NAALADL2: variants seen among roughly 807,000 people sequenced by gnomAD.
NAALADL2 encodes the protein N-acetylated alpha-linked acidic dipeptidase like 2.
In NAALADL2, 76 loss-of-function variants were observed where a neutral mutation model predicts 87.2. The observed-to-expected ratio is 0.87, with a 90% CI of 0.72 to 1.05. The LOEUF is 1.05. NAALADL2 is among the 50% of genes least tolerant of loss of function. NAALADL2 has a pLI of 0.00. For synonymous variants in NAALADL2, 354 were observed against 331.0 expected (o/e 1.07, Z -0.75); for missense variants, 1,089 against 945.8 (o/e 1.15, Z -1.99).
At chr3:175,553,183 T>A (rs901378532) in intron 9 of NAALADL2, among the ~76,000 whole-genome samples, 1 of 152,174 alleles carries the variant, frequency 6.6e-6, no homozygotes, top group Middle Eastern at 3.2e-3. Flanking sequence ...TAAGTCAATA[T>A]ATCAGTTATT....
intron 2 of NAALADL2, among the ~76,000 whole-genome samples, chr3:174,610,271 T>C (rs1251851901): frequency 2.6e-5 from 4 of 152,122 alleles, no homozygotes; most frequent in South Asian, 2.1e-4. Flanking sequence ...ACTTCATGTC[T>C]CAAACACCAA....
intron 2 of NAALADL2, among the ~76,000 whole-genome samples, chr3:174,669,447 T>G (rs1037187903): frequency 2.0e-5 from 3 of 152,170 alleles, no homozygotes; most frequent in African/African-American, 2.4e-5. Context: ...TCAACTTCAT[T>G]CTGTTACATG....
chr3:175,159,358 A>AGT (rs1175157032), intron 2 of NAALADL2, among the ~76,000 whole-genome samples: 1 of 152,176 alleles, frequency 6.6e-6, no homozygotes, highest in Admixed American at 6.5e-5. Flanking sequence ...TGATTTGAGT[A>AGT]GTGTGTGTGT....
chr3:174,465,640 CAT>C (rs1716488883), intron 1 of NAALADL2, among the ~76,000 whole-genome samples: 1 of 152,072 alleles, frequency 6.6e-6, no homozygotes, highest in Non-Finnish European at 1.5e-5. Context: ...TGAACTACAG[CAT>C]AGTTTTTCTT....
At chr3:174,862,844 G>A (rs1726667597) in intron 1 of NAALADL2, among the ~76,000 whole-genome samples, 1 of 152,002 alleles carries the variant, frequency 6.6e-6, no homozygotes, top group South Asian at 2.1e-4. Flanking sequence ...TCTAATAATA[G>A]CTCTCCTTCT....
At chr3:175,201,800 A>T (rs1740078768) in intron 2 of NAALADL2, among the ~76,000 whole-genome samples, 1 of 151,838 alleles carries the variant, frequency 6.6e-6, no homozygotes, top group South Asian at 2.1e-4. Context: ...TTGGAAAAAA[A>T]AAAAAAACAA....
At chr3:174,954,503 GTT>G (rs1740877515) in intron 1 of NAALADL2, among the ~76,000 whole-genome samples, 1 of 152,028 alleles carries the variant, frequency 6.6e-6, no homozygotes, top group Admixed American at 6.6e-5. Context: ...GAATAAAATA[GTT>G]GAGGAGGTAG....
chr3:174,812,884 T>C (rs931854139), intron 3 of NAALADL2, among the ~76,000 whole-genome samples: 35 of 152,074 alleles, frequency 2.3e-4, no homozygotes, highest in African/African-American at 7.0e-4. Flanking sequence ...CTACAATATA[T>C]TTATGTTTTA....
At chr3:175,716,595 G>A (rs2150018174) in intron 11 of NAALADL2, among the ~76,000 whole-genome samples, 1 of 152,078 alleles carries the variant, frequency 6.6e-6, no homozygotes, top group East Asian at 1.9e-4. Context: ...AAAAGTACAT[G>A]CAAATTCATA....
intron 1 of NAALADL2, among the ~76,000 whole-genome samples, chr3:174,873,394 ACAGGGGCACAT>A (rs1728103015): frequency 6.6e-6 from 1 of 152,010 alleles, no homozygotes; most frequent in South Asian, 2.1e-4. Context: ...AGCTGGGACT[ACAGGGGCACAT>A]CACTATGCCC....
chr3:174,518,271 G>A (rs1275112117), intron 1 of NAALADL2, among the ~76,000 whole-genome samples: 1 of 152,142 alleles, frequency 6.6e-6, no homozygotes, highest in African/African-American at 2.4e-5. Context: ...TTGGCCATCA[G>A]CTACATACAA....
chr3:174,857,906 A>C (rs1163172958), upstream of NAALADL2, among the ~76,000 whole-genome samples: 1 of 151,960 alleles, frequency 6.6e-6, no homozygotes, highest in Non-Finnish European at 1.5e-5. Context: ...TTTATTTCTA[A>C]TACTTTTGAG....
intron 9 of NAALADL2, among the ~76,000 whole-genome samples, chr3:175,566,616 G>A (rs199753704): frequency 2.3e-3 from 16 of 6,998 alleles, no homozygotes; most frequent in African/African-American, 9.0e-3. Context: ...ATTTCTCACA[G>A]TCCTTCAAGA....
chr3:175,283,021 CT>C (rs948855265), intron 4 of NAALADL2, among the ~76,000 whole-genome samples: 4 of 151,242 alleles, frequency 2.6e-5, no homozygotes, highest in Non-Finnish European at 5.9e-5. Flanking sequence ...AACAACAAGA[CT>C]TTTAACTTTG....
At chr3:175,257,059 T>A (rs867660826) in intron 4 of NAALADL2, 13 of 152,106 alleles carry the variant, frequency 8.5e-5, no homozygotes, top group South Asian at 6.2e-4. Context: ...TAGCAGAATT[T>A]TGATTTATTT....
rs1754670778 is a variant in NAALADL2 at position 175,805,972 on chromosome 3, G to T, written c.*2769G>T. 1 of 151,878 alleles carries T rather than the reference G, an allele frequency of 6.6e-6. No homozygotes were observed. The highest frequency in any genetic ancestry group is 2.4e-5 in the African/African-American group (1 of 41,406). The allele number at this position is 151,878 out of a possible 1,614,324, so 9.4% of individuals were successfully genotyped here. On this transcript the variant is annotated 3_prime_UTR_variant, in exon 14 of 14. Coordinates refer to ENST00000454872, the MANE Select transcript of NAALADL2 (RefSeq NM_207015.3). ...GATATAGTAACTAAACCCAAAGTGA[G>T]TAAGAAACTTGGACATAGTCATGTA...
At chr3:175,438,691 G>A (rs1178162818) in intron 5 of NAALADL2, among the ~76,000 whole-genome samples, 1 of 151,922 alleles carries the variant, frequency 6.6e-6, no homozygotes, top group Admixed American at 6.6e-5. Context: ...AAAAATGTAA[G>A]TCAAGTCACT....
chr3:175,423,721 A>T (rs1388824163), intron 5 of NAALADL2, among the ~76,000 whole-genome samples: 1 of 152,172 alleles, frequency 6.6e-6, no homozygotes, highest in African/African-American at 2.4e-5. Context: ...TGCCACAATA[A>T]ATATGCATGT....
chr3:174,543,029 C>T (rs1032311461), intron 1 of NAALADL2, among the ~76,000 whole-genome samples: 2 of 152,116 alleles, frequency 1.3e-5, no homozygotes, highest in African/African-American at 4.8e-5. Context: ...TACCCATCAG[C>T]ATGAACCATA....
Sources: gnomAD v4.1 joint callset for allele counts (sites outside exome capture counted in the v4.1 genomes callset) on GRCh38, gnomAD v4.1.1 for gene constraint, MANE v1.5 for transcripts, NCBI Gene and HGNC (gene_info 2026-07-23, HGNC 2026-07-21) for gene names.